The following CTU2 variants were observed in gnomAD, a reference collection of about 807,000 sequenced individuals.
CTU2 encodes the protein cytosolic thiouridylase subunit 2, also known as cytoplasmic tRNA 2-thiolation protein 2.
CTU2 carries 80 observed loss-of-function variants against 64.1 expected under a neutral mutation model. The ratio of observed to expected loss-of-function variants is 1.25; its 90% confidence interval spans 1.04 to 1.50. The LOEUF (loss-of-function observed/expected upper bound fraction) is 1.50. Ranked by LOEUF, CTU2 falls within the 40% of genes most tolerant of loss-of-function variation. The pLI is 0.00. For missense variants in CTU2, 1,110 were observed against 690.2 expected (o/e 1.61, Z -6.81); for synonymous variants, 482 against 285.3 (o/e 1.69, Z -6.95).
Position 88,714,139 on chromosome 16 carries a change from C to A in CTU2, c.1009C>A (p.Pro337Thr), listed in dbSNP as rs1301866222. Residue 337 changes from proline (P) to threonine (T), a missense_variant, in exon 10 of 15, where the codon CCT becomes ACT. By Grantham distance (38) the Pro-to-Thr change is conservative (BLOSUM62 -1). Transcript: ENST00000453996. The part of the protein sequence containing the change: ...VFTPAVDTKA[P>T]EKASIHRLME... The stretch of plus-strand genomic sequence containing the variant: ...CCTCCAATCTGATTGTCCCTAGGCC[C>A]CTGAAAAGGCCAGCATCCACCGGCT... 1 of 1,612,470 alleles carries A rather than the reference C, an allele frequency of 6.2e-7. No individual in the cohort carries two copies. The highest frequency in any genetic ancestry group is 8.5e-7 in the Non-Finnish European group (1 of 1,179,806).
chr16:88,715,137 G>T, intron 14 of CTU2, 31 bp downstream of exon 14: 2 of 1,607,624 alleles, frequency 1.2e-6, no homozygotes, highest in Non-Finnish European at 1.7e-6. Context: ...GTGGCGCGTG[G>T]GTAAGGGGCC....
chr16:88,712,903 G>T lies in CTU2; in HGVS notation c.735G>T (p.Leu245=). The T allele has an allele frequency of 6.8e-7, 1 of 1,479,944 alleles. No homozygotes were observed. The highest frequency in any genetic ancestry group is 8.9e-7 in the Non-Finnish European group (1 of 1,118,750). The allele number at this position is 1,479,944 out of a possible 1,614,324, so 91.7% of individuals were successfully genotyped here. The part of the protein sequence containing the change: ...LTAKEELLQT[L]RTHLILHMAR... ...CCAAGGAGGAGCTTCTGCAGACCCTGCGGTGAGGCCCCGAGAGCCCCCCTT... is the reference window on the plus strand; with the variant it reads ...CCAAGGAGGAGCTTCTGCAGACCCTTCGGTGAGGCCCCGAGAGCCCCCCTT... The change falls in exon 7 of 15, where the codon CTG becomes CTT. Residue 245 remains leucine (L), a splice_region_variant and synonymous_variant. Coordinates refer to ENST00000453996, the MANE Select transcript of CTU2 (RefSeq NM_001012759.3).
chr16:88,707,102 T>C, intron 1 of CTU2, 34 bp from the exon 2 acceptor site: 1 of 1,604,906 alleles, frequency 6.2e-7, no homozygotes, highest in South Asian at 1.1e-5. Flanking sequence ...ATGTGATCTG[T>C]GTTTCTCTCT....
At chr16:88,707,091 G>C (rs774749131) in intron 1 of CTU2, 45 bp from the exon 2 acceptor site, 5 of 1,595,602 alleles carry the variant, frequency 3.1e-6, no homozygotes, top group East Asian at 4.5e-5. Flanking sequence ...GCGTGGGGAA[G>C]ATGTGATCTG....
At chr16:88,711,278 G>C (rs1002260514) in intron 4 of CTU2, among the ~76,000 whole-genome samples, 2 of 152,122 alleles carry the variant, frequency 1.3e-5, no homozygotes, top group African/African-American at 2.4e-5. Context: ...CTGCTTGTGA[G>C]AGCAAGTGCT....
intron 1 of CTU2, 141 bp from the exon 2 acceptor site, chr16:88,706,995 A>G (rs549311283): frequency 6.8e-5 from 52 of 767,504 alleles, no homozygotes; most frequent in Non-Finnish European, 2.2e-6. Context: ...ACAGAACACA[A>G]GCCTGGGTTT....
intron 5 of CTU2, 27 bp from the exon 6 acceptor site, chr16:88,712,247 C>T (rs1044000560): frequency 3.2e-6 from 5 of 1,566,696 alleles, no homozygotes; most frequent in African/African-American, 2.7e-5. Flanking sequence ...TCTCTGAGCC[C>T]TGACTCTTTC....
intron 2 of CTU2, 51 bp downstream of exon 2, chr16:88,707,261 A>G (rs779993929): frequency 1.3e-6 from 2 of 1,522,468 alleles, no homozygotes; most frequent in African/African-American, 2.7e-5. Flanking sequence ...TCGCTAGCAG[A>G]CAGGATAGCC....
At position 88,712,257 on chromosome 16, in the gene CTU2, C is replaced by T. The variant is rs1459541612; in HGVS notation, c.344-17C>T. 1.9e-6 allele frequency: 3 copies of T among 1,579,730 alleles called. No individual in the cohort carries two copies. The highest frequency in any genetic ancestry group is 1.7e-6 in the Non-Finnish European group (2 of 1,161,438). On this transcript the variant is annotated splice_polypyrimidine_tract_variant and intron_variant, in intron 5 of 14. Coordinates refer to ENST00000453996, the MANE Select transcript of CTU2 (RefSeq NM_001012759.3). ...GCTCCTCTCTGAGCCCTGACTCTTT[C>T]TGCCTGGGTTTTTCAGAGGGAGCAG...
At chr16:88,713,878 C>T in intron 9 of CTU2, 100 bp downstream of exon 9, 1 of 1,480,168 alleles carries the variant, frequency 6.8e-7, no homozygotes, top group South Asian at 1.2e-5. Flanking sequence ...AGCACACCTT[C>T]AGTGACTCCT....
rs755412364 is a variant in CTU2, at chr16:88,711,715, C to T, written c.343+20C>T. On this transcript the variant is annotated intron_variant, in intron 5 of 14. Transcript: ENST00000453996. ...TTGACGGTATGTGGGGCCATTGCTC[C>T]TCCTAGTCCCTGGCCACTTGGGGTA... 5 of 1,602,376 alleles carry T rather than the reference C, an allele frequency of 3.1e-6. No homozygotes were observed. The Admixed American group carries it at 5.1e-5, about 16-fold the overall frequency.
rs780002056 is a variant in CTU2, at chr16:88,714,680, C to A, written c.1295C>A (p.Pro432His). 1.9e-6 allele frequency: 3 copies of A among 1,612,332 alleles called. No individual in the cohort carries two copies. The South Asian group carries it at 3.3e-5, about 18-fold the overall frequency. Residue 432 changes from proline to histidine, a missense_variant, in exon 12 of 15, where the codon CCC becomes CAC. Pro to His is a moderately conservative substitution (Grantham distance 77). Transcript: ENST00000453996. ...ACTGAGACCCGGACACCCCCGGGGC[C>A]CTGCTGTTCTCCAGGGGTGGGCTGG... Reference protein sequence around the residue: ...PLTETRTPPGPCCSPGVGWAQ... With the variant: ...PLTETRTPPGHCCSPGVGWAQ...
In CTU2 at chr16:88,707,161, A is replaced by G; in HGVS notation, c.94A>G (p.Lys32Glu). The G allele has an allele frequency of 1.2e-6, 2 of 1,613,944 alleles. No individual in the cohort carries two copies. The highest frequency in any genetic ancestry group is 1.7e-6 in the Non-Finnish European group (2 of 1,179,972). Residue 32 changes from lysine (K) to glutamate (E), a missense_variant, in exon 2 of 15, where the codon AAG becomes GAG. Lys to Glu is a moderately conservative substitution (Grantham distance 56). Coordinates refer to ENST00000453996, the MANE Select transcript of CTU2 (RefSeq NM_001012759.3). The stretch of plus-strand genomic sequence containing the variant: ...CCGTGAGCAGAAGTGTGTGAAGTGC[A>G]AGGAAGCGCAGCCCGTTGTGGTGAT... The part of the protein sequence containing the change: ...PSREQKCVKC[K>E]EAQPVVVIRA...
At position 88,714,455 on chromosome 16, in the gene CTU2, C is replaced by T. The variant is rs1418727394; in HGVS notation, c.1170C>T (p.Leu390=). The T allele has an allele frequency of 1.9e-6, 3 of 1,612,610 alleles. No homozygotes were observed. The highest frequency in any genetic ancestry group is 2.2e-5 in the East Asian group (1 of 44,876). ...GCGACTCCGGCCCCCGCTGCCTCCT[C>T]TGCATGTGTGCCCTGGACGTCGACG... ...AAGDSGPRCL[L]CMCALDVDAA... is the part of the protein sequence containing the mutation. The change falls in exon 11 of 15, where the codon CTC becomes CTT. Residue 390 remains leucine, a synonymous_variant. Coordinates refer to ENST00000453996, the MANE Select transcript of CTU2 (RefSeq NM_001012759.3).
chr16:88,715,152 G>C, intron 14 of CTU2, 30 bp from the exon 15 acceptor site: 1 of 1,610,318 alleles, frequency 6.2e-7, no homozygotes, highest in African/African-American at 1.3e-5. Flanking sequence ...GGGGCCTCGG[G>C]GCTGGTGCCC....
At chr16:88,707,270 C>A in intron 2 of CTU2, 60 bp downstream of exon 2, 1 of 1,442,714 alleles carries the variant, frequency 6.9e-7, no homozygotes, top group Non-Finnish European at 9.8e-7. Flanking sequence ...GACAGGATAG[C>A]CGCAACTTGT....
rs1910835049 is a variant in CTU2, at chr16:88,706,518, A to G, written c.-13A>G. The G allele has an allele frequency of 1.4e-6, 2 of 1,431,448 alleles. No homozygotes were observed. The highest frequency in any genetic ancestry group is 9.1e-7 in the Non-Finnish European group (1 of 1,099,410). 88.7% of individuals were successfully genotyped at this position (1,431,448 alleles called of 1,614,324 possible). On this transcript the variant is annotated 5_prime_UTR_variant, in exon 1 of 15. Coordinates refer to ENST00000453996, the MANE Select transcript of CTU2 (RefSeq NM_001012759.3). ...TGTCGCCGCCACAGTCTGCGACGGG[A>G]CCCGGCGTGCCCATGTGTCAGGTGG...
At chr16:88,712,579 G>A in intron 6 of CTU2, 43 bp from the exon 7 acceptor site, 3 of 1,590,542 alleles carry the variant, frequency 1.9e-6, no homozygotes, top group Non-Finnish European at 2.6e-6. Context: ...GGGGGCACCT[G>A]CCCGTGTCCC....
intron 2 of CTU2, 64 bp from the exon 3 acceptor site, chr16:88,709,874 G>GT: frequency 7.3e-7 from 1 of 1,362,696 alleles, no homozygotes; most frequent in Non-Finnish European, 1.0e-6. Context: ...ACCTGGCAGC[G>GT]CCTCAGGACG....
Sources: allele counts gnomAD v4.1 joint callset (sites outside exome capture counted in the v4.1 genomes callset), GRCh38; gene constraint gnomAD v4.1.1; transcripts MANE v1.5; gene names NCBI Gene and HGNC (gene_info 2026-07-23, HGNC 2026-07-21).